LIPG: variants seen among roughly 807,000 people sequenced by gnomAD.
LIPG encodes endothelial lipase.
A neutral mutation model predicts 51.8 loss-of-function variants in LIPG; 34 were observed. The ratio of observed to expected loss-of-function variants is 0.66; its 90% CI spans 0.50 to 0.87. LIPG has a LOEUF of 0.87. LIPG is among the 40% of genes least tolerant of loss of function. The pLI, the probability that LIPG is intolerant of heterozygous loss-of-function variation, is 0.00. For missense variants in LIPG, 580 were observed against 652.7 expected, an observed-to-expected ratio of 0.89 and a Z score of 1.21; for synonymous variants, 246 against 246.1, an observed-to-expected ratio of 1.00 and a Z score of 0.00.
At chr18:49,571,692 C>T (rs192578874) in intron 4 of LIPG, among the ~76,000 whole-genome samples, 1 of 152,106 alleles carries the variant, frequency 6.6e-6, no homozygotes, top group Non-Finnish European at 1.5e-5. Flanking sequence ...ACAAGGTGAT[C>T]GCAACTGGTA....
intron 9 of LIPG, among the ~76,000 whole-genome samples, chr18:49,588,775 C>T (rs116852403): frequency 1.2e-4 from 19 of 152,284 alleles, no homozygotes; most frequent in East Asian, 9.7e-4. Context: ...AACAGCCACA[C>T]GCCCTCTAAG....
intron 8 of LIPG, among the ~76,000 whole-genome samples, chr18:49,585,368 A>T (rs2143974060): frequency 6.6e-6 from 1 of 152,362 alleles, no homozygotes; most frequent in Non-Finnish European, 1.5e-5. Context: ...CAGCCGCCTT[A>T]GTACTTCTGT....
chr18:49,574,146 G>A (rs897029776), intron 4 of LIPG, among the ~76,000 whole-genome samples: 1 of 152,172 alleles, frequency 6.6e-6, no homozygotes, highest in Non-Finnish European at 1.5e-5. Flanking sequence ...GGTCCTTCCT[G>A]TGTGTCTGTG....
chr18:49,581,270 A>G, intron 5 of LIPG, 145 bp from the exon 6 acceptor site: 2 of 1,286,024 alleles, frequency 1.6e-6, no homozygotes, highest in Non-Finnish European at 2.2e-6. Flanking sequence ...GTCTCAACAC[A>G]AATAAACAAG....
Position 49,575,433 on chromosome 18 carries a change from T to G in LIPG, c.636T>G (p.Asp212Glu). 1 of 1,614,156 alleles carries G rather than the reference T, an allele frequency of 6.2e-7. No individual in the cohort carries two copies. Reference sequence around the variant, plus strand: ...TCCACAAGAGGCTCTCTCCGGACGATGCAGATTTTGTGGATGTCCTCCACA... The same window carrying G: ...TCCACAAGAGGCTCTCTCCGGACGAGGCAGATTTTGTGGATGTCCTCCACA... ...ADIHKRLSPD[D>E]ADFVDVLHTY... The change falls in exon 5 of 10, where the codon GAT (aspartate) becomes GAG (glutamate). Residue 212 changes from aspartate (D) to glutamate (E), a missense_variant. Asp to Glu is a conservative substitution (Grantham distance 45, BLOSUM62 2). Coordinates refer to ENST00000261292, the MANE Select transcript of LIPG (RefSeq NM_006033.4).
chr18:49,565,653 C>A (rs565184079), intron 2 of LIPG, among the ~76,000 whole-genome samples, 155 bp downstream of exon 2: 1 of 152,122 alleles, frequency 6.6e-6, no homozygotes, highest in African/African-American at 2.4e-5. Flanking sequence ...AAGAATGTAA[C>A]GGGCATTCAC....
chr18:49,561,513 C>G (rs2084549154), upstream of LIPG: 1 of 436,270 alleles, frequency 2.3e-6, no homozygotes, highest in Non-Finnish European at 3.8e-6. Context: ...TTAGCTCCGC[C>G]GGGTTATTGT....
rs2084948388 is a variant in LIPG at position 49,591,871 on chromosome 18, A to G, written c.*1349A>G. The G allele has an allele frequency of 6.6e-6, 1 of 152,180 alleles. No homozygotes were observed. The highest frequency in any genetic ancestry group is 1.5e-5 in the Non-Finnish European group (1 of 68,032). The allele number at this position is 152,180 out of a possible 1,614,324, so 9.4% of individuals were successfully genotyped here. ...TTATATACTAGTTAGTGGTGCAGCCAGGGAGAGGACTCAGATTTCCTGGAG... is the reference window on the plus strand; with the variant it reads ...TTATATACTAGTTAGTGGTGCAGCCGGGGAGAGGACTCAGATTTCCTGGAG... On this transcript the variant is annotated 3_prime_UTR_variant, in exon 10 of 10. Transcript: ENST00000261292.
intron 5 of LIPG, 43 bp from the exon 6 acceptor site, chr18:49,581,372 A>G: frequency 1.2e-6 from 2 of 1,613,744 alleles, no homozygotes; most frequent in Non-Finnish European, 1.7e-6. Flanking sequence ...CTAATCATCA[A>G]GAAGGGCTCA....
rs1489058901 is a variant in LIPG, at chr18:49,593,040, C to T, written c.*2518C>T. ...CTGCCTCCTGGGCTCAGGTGGTCCT[C>T]CCACCTCAGCCTTCTGAGTAGCTGG... On this transcript the variant is annotated 3_prime_UTR_variant, in exon 10 of 10. Coordinates refer to ENST00000261292, the MANE Select transcript of LIPG (RefSeq NM_006033.4). The T allele has an allele frequency of 2.0e-5, 3 of 150,458 alleles. No individual in the cohort carries two copies. The East Asian group carries it at 5.9e-4, about 30-fold the overall frequency. The allele number at this position is 150,458 out of a possible 1,614,324, so 9.3% of individuals were successfully genotyped here.
rs182632989 is a variant in LIPG, at chr18:49,597,020, A to G, written c.*6498A>G. On this transcript the variant is annotated 3_prime_UTR_variant, in exon 10 of 10. Coordinates refer to ENST00000261292, the MANE Select transcript of LIPG (RefSeq NM_006033.4). ...GAGTTGTCTGCATTGTTTAAAGAAG[A>G]CGTTTGTTAATCCAAATTAATCTTT... is the stretch of plus-strand genomic sequence containing the variant. The G allele has an allele frequency of 2.0e-5, 3 of 152,308 alleles. No individual in the cohort carries two copies. Among genetic ancestry groups the G allele is most frequent in the Admixed American group, 2.0e-4 (3 of 15,294 alleles). 9.4% of individuals were successfully genotyped at this position (152,308 alleles called of 1,614,324 possible).
In LIPG at chr18:49,582,424, A is replaced by T; in HGVS notation, c.1099A>T (p.Thr367Ser). Residue 367 changes from threonine to serine, a missense_variant, in exon 7 of 10, where the codon ACC becomes TCC. Transcript: ENST00000261292. ...SYKNMGEIEP[T>S]FYVTLYGTNA... ...CAAGAACATGGGAGAAATTGAGCCC[A>T]CCTTTTACGTCACCCTTTATGGCAC... 1 of 1,614,222 alleles carries T rather than the reference A, an allele frequency of 6.2e-7. No homozygotes were observed. The highest frequency in any genetic ancestry group is 8.5e-7 in the Non-Finnish European group (1 of 1,180,012).
In LIPG at chr18:49,562,318, T is replaced by C. The variant is rs755870682; in HGVS notation, c.10T>C (p.Ser4Pro). 1.9e-6 allele frequency: 3 copies of C among 1,612,826 alleles called. No homozygotes were observed. In the South Asian group the frequency reaches 3.3e-5, roughly 18 times the overall value. ...GGTGTGGCGGGGCAGGATGAGCAAC[T>C]CCGTTCCTCTGCTCTGTTTCTGGAG... MSN[S>P]VPLLCFWSLC... Residue 4 changes from serine to proline, a missense_variant, in exon 1 of 10, where the codon TCC becomes CCC. Physicochemically the swap from Ser to Pro is moderately conservative, Grantham distance 74 (BLOSUM62 -1). Transcript: ENST00000261292.
intron 6 of LIPG, 131 bp from the exon 7 acceptor site, chr18:49,582,231 G>C (rs995779116): frequency 4.7e-6 from 5 of 1,069,538 alleles, no homozygotes; most frequent in Admixed American, 1.7e-5. Flanking sequence ...GAGCAGATGG[G>C]GGCTGCAGGC....
At position 49,597,938 on chromosome 18, in the gene LIPG, G is replaced by T. The variant is rs2084991152; in HGVS notation, c.*7416G>T. ...TATTATCCCAAGGCAACTTCAGTGG[G>T]CTTGTTTTGAAGTCAAAGCCTCAAC... is the stretch of plus-strand genomic sequence containing the variant. On this transcript the variant is annotated 3_prime_UTR_variant, in exon 10 of 10. Transcript: ENST00000261292. 6.6e-6 allele frequency: 1 copy of T among 152,166 alleles called. No homozygotes were observed. The highest frequency in any genetic ancestry group is 1.5e-5 in the Non-Finnish European group (1 of 68,034). 9.4% of individuals were successfully genotyped at this position (152,166 alleles called of 1,614,324 possible).
rs928958763 is a variant in LIPG, at chr18:49,593,111, A to C, written c.*2589A>C. 5.3e-5 allele frequency: 8 copies of C among 151,864 alleles called. No homozygotes were observed. The highest frequency in any genetic ancestry group is 2.6e-4 in the Admixed American group (4 of 15,240). 9.4% of individuals were successfully genotyped at this position (151,864 alleles called of 1,614,324 possible). On this transcript the variant is annotated 3_prime_UTR_variant, in exon 10 of 10. Transcript: ENST00000261292. ...ATGTCTGGCTAATTTTTGTATTTTT[A>C]GTAGAGATGGGGTTTCGCCATGTTG...
Position 49,590,830 on chromosome 18 carries a change from G to T in LIPG, c.*308G>T, listed in dbSNP as rs973612861. ...GGGGCCTCTCGTGCACACTGGATTG[G>T]TTTCTCAGTTGCTGGGCGAGCCTGT... is the stretch of plus-strand genomic sequence containing the variant. On this transcript the variant is annotated 3_prime_UTR_variant, in exon 10 of 10. Transcript: ENST00000261292. The T allele has an allele frequency of 4.9e-5, 24 of 493,600 alleles. No homozygotes were observed. The highest frequency in any genetic ancestry group is 1.4e-4 in the African/African-American group (7 of 51,332). The allele number at this position is 493,600 out of a possible 1,614,324, so 30.6% of individuals were successfully genotyped here.
intron 9 of LIPG, 153 bp from the exon 10 acceptor site, chr18:49,590,348 G>T: frequency 1.2e-6 from 1 of 840,598 alleles, no homozygotes. Context: ...TCGGGACCTT[G>T]TCCATTTATT....
At chr18:49,579,798 C>G (rs940672081) in intron 5 of LIPG, among the ~76,000 whole-genome samples, 19 of 144,554 alleles carry the variant, frequency 1.3e-4, no homozygotes, top group African/African-American at 4.8e-4. Flanking sequence ...CTTTTCTTTT[C>G]TTTTCTTTTC....
Sources: gnomAD v4.1 joint callset for allele counts (sites outside exome capture counted in the v4.1 genomes callset) on GRCh38, gnomAD v4.1.1 for gene constraint, MANE v1.5 for transcripts, NCBI Gene and HGNC (gene_info 2026-07-23, HGNC 2026-07-21) for gene names.